Variants in GRM1 observed in about 807,000 individuals in gnomAD.
GRM1 encodes the protein glutamate metabotropic receptor 1.
In GRM1, 33 loss-of-function variants were observed where a neutral mutation model predicts 90.9. That is an observed-to-expected ratio of 0.36 (90% CI 0.28 to 0.49). The LOEUF is 0.49. Among genes scored for constraint, GRM1 ranks in the 20% least tolerant of loss-of-function variants. GRM1 has a pLI of 0.99. For missense variants in GRM1, 1,190 were observed against 1,534.3 expected (o/e 0.78, Z 3.75); for synonymous variants, 700 against 613.2 (o/e 1.14, Z -2.09).
At chr6:146,134,236 C>A (rs905718805) in intron 1 of GRM1, among the ~76,000 whole-genome samples, 18 of 152,314 alleles carry the variant, frequency 1.2e-4, no homozygotes, top group African/African-American at 4.3e-4. Context: ...ACATAAGGAA[C>A]CTTTCTGAGC....
intron 1 of GRM1, among the ~76,000 whole-genome samples, chr6:146,058,758 A>G (rs1775568334): frequency 6.6e-6 from 1 of 152,144 alleles, no homozygotes; most frequent in African/African-American, 2.4e-5. Flanking sequence ...AACTAAGTTT[A>G]TGTAATGGTC....
chr6:146,351,743 A>G (rs1211920622), intron 3 of GRM1, among the ~76,000 whole-genome samples: 3 of 152,132 alleles, frequency 2.0e-5, no homozygotes, highest in Non-Finnish European at 4.4e-5. Context: ...GACCAGTTCT[A>G]ACTCTGGATT....
chr6:146,278,303 A>C (rs1782445088), intron 2 of GRM1, among the ~76,000 whole-genome samples: 1 of 152,328 alleles, frequency 6.6e-6, no homozygotes, highest in Non-Finnish European at 1.5e-5. Context: ...TGGGCTTAGA[A>C]AGTTAAAGAG....
intron 3 of GRM1, among the ~76,000 whole-genome samples, chr6:146,305,720 A>G (rs965177445): frequency 6.6e-5 from 10 of 152,230 alleles, no homozygotes; most frequent in Non-Finnish European, 1.3e-4. Context: ...GTGGTGCGAC[A>G]TGTATATCCT....
chr6:146,324,466 A>ATAAAATT (rs1199340262), intron 3 of GRM1, among the ~76,000 whole-genome samples: 1 of 152,040 alleles, frequency 6.6e-6, no homozygotes, highest in African/African-American at 2.4e-5. Context: ...AAAAAAATAA[A>ATAAAATT]TAAAATTTAA....
At chr6:146,238,363 C>A (rs1424334189) in intron 2 of GRM1, among the ~76,000 whole-genome samples, 1 of 152,158 alleles carries the variant, frequency 6.6e-6, no homozygotes, top group African/African-American at 2.4e-5. Flanking sequence ...TCACTCACCT[C>A]TCTCCAAAAG....
At chr6:146,104,405 A>T (rs950942465) in intron 1 of GRM1, among the ~76,000 whole-genome samples, 23 of 152,040 alleles carry the variant, frequency 1.5e-4, no homozygotes, top group Admixed American at 6.6e-5. Context: ...GCACCACTGC[A>T]CTCCAGCCTG....
intron 1 of GRM1, among the ~76,000 whole-genome samples, chr6:146,152,721 T>C (rs1777384872): frequency 6.6e-6 from 1 of 151,742 alleles, no homozygotes. Context: ...GAAGGGAGAG[T>C]CAATGTCTAA....
chr6:146,245,716 T>C (rs1226212747), intron 2 of GRM1, among the ~76,000 whole-genome samples: 1 of 152,218 alleles, frequency 6.6e-6, no homozygotes, highest in Non-Finnish European at 1.5e-5. Context: ...TTATTCATTA[T>C]AGTTAAAAGT....
intron 5 of GRM1, among the ~76,000 whole-genome samples, chr6:146,376,136 A>G (rs1776090077): frequency 6.6e-6 from 1 of 152,138 alleles, no homozygotes; most frequent in Non-Finnish European, 1.5e-5. Flanking sequence ...TGTTTCAATA[A>G]ACAAACAAAA....
At chr6:146,174,262 C>A (rs964455364) in intron 2 of GRM1, among the ~76,000 whole-genome samples, 2 of 152,038 alleles carry the variant, frequency 1.3e-5, no homozygotes, top group Non-Finnish European at 2.9e-5. Context: ...GTAGACACAG[C>A]TTCAGGGATG....
chr6:146,314,050 C>CTTTTTTTT (rs1783869802), intron 3 of GRM1, among the ~76,000 whole-genome samples: 1 of 82,908 alleles, frequency 1.2e-5, no homozygotes, highest in African/African-American at 4.2e-5. Context: ...ATAGTTAATT[C>CTTTTTTTT]CTTTTTTTTT....
At chr6:146,071,068 G>T (rs1013079105) in intron 1 of GRM1, among the ~76,000 whole-genome samples, 7 of 152,148 alleles carry the variant, frequency 4.6e-5, no homozygotes, top group Admixed American at 2.0e-4. Flanking sequence ...GAGTCATTCT[G>T]TTTGATCATG....
intron 2 of GRM1, among the ~76,000 whole-genome samples, chr6:146,226,720 G>C (rs1047770695): frequency 7.9e-5 from 12 of 152,078 alleles, no homozygotes; most frequent in Non-Finnish European, 1.6e-4. Context: ...ACCAATTACT[G>C]CTCATGCTGT....
At chr6:146,032,386 C>T (rs921967390) in intron 1 of GRM1, among the ~76,000 whole-genome samples, 11 of 152,136 alleles carry the variant, frequency 7.2e-5, no homozygotes, top group South Asian at 4.1e-4. Context: ...TCTTATTAAA[C>T]GTAACATCTG....
intron 2 of GRM1, among the ~76,000 whole-genome samples, chr6:146,174,971 C>G (rs1163331275): frequency 6.6e-6 from 1 of 152,118 alleles, no homozygotes; most frequent in African/African-American, 2.4e-5. Flanking sequence ...TCTGGCTTCC[C>G]TGAGGTGGGG....
intron 1 of GRM1, among the ~76,000 whole-genome samples, chr6:146,142,397 A>G (rs558063449): frequency 6.6e-5 from 10 of 152,204 alleles, no homozygotes; most frequent in African/African-American, 2.4e-4. Context: ...GACCCACTGT[A>G]ACTACTACTT....
At chr6:146,086,360 A>G (rs1776545491) in intron 1 of GRM1, among the ~76,000 whole-genome samples, 1 of 152,074 alleles carries the variant, frequency 6.6e-6, no homozygotes, top group Admixed American at 6.6e-5. Flanking sequence ...TTACAATATA[A>G]GCTACAACAC....
chr6:146,393,507 T>G (rs563866516), intron 6 of GRM1, among the ~76,000 whole-genome samples: 1 of 152,266 alleles, frequency 6.6e-6, no homozygotes, highest in Non-Finnish European at 1.5e-5. Context: ...TAGTTTCTTT[T>G]GTTGTGCAGA....
Sources: gnomAD v4.1 joint callset for allele counts (sites outside exome capture counted in the v4.1 genomes callset) on GRCh38, gnomAD v4.1.1 for gene constraint, MANE v1.5 for transcripts, NCBI Gene and HGNC (gene_info 2026-07-23, HGNC 2026-07-21) for gene names.